Variants in PTPRG observed in about 807,000 individuals in gnomAD.
The protein encoded by PTPRG is receptor-type tyrosine-protein phosphatase gamma.
PTPRG carries 102 observed loss-of-function variants against 165.3 expected under a neutral mutation model. The observed-to-expected ratio is 0.62, with a 90% CI of 0.53 to 0.73. The LOEUF (loss-of-function observed/expected upper bound fraction) is 0.73. Ranked by LOEUF, PTPRG falls within the 30% of genes least tolerant of loss-of-function variation. The pLI is 0.00. For synonymous variants in PTPRG, 675 were observed against 669.5 expected (o/e 1.01, Z -0.13); for missense variants, 1,866 against 1,861.4 (o/e 1.00, Z -0.05).
intron 4 of PTPRG, among the ~76,000 whole-genome samples, chr3:62,040,419 G>A (rs897297840): frequency 1.3e-5 from 2 of 152,122 alleles, no homozygotes; most frequent in Non-Finnish European, 2.9e-5. Flanking sequence ...AGAAAATTTC[G>A]ACTGTCTTCA....
At chr3:62,071,079 G>A (rs959758594) in intron 4 of PTPRG, among the ~76,000 whole-genome samples, 2 of 151,906 alleles carry the variant, frequency 1.3e-5, no homozygotes, top group African/African-American at 4.8e-5. Flanking sequence ...ATCTCCATCT[G>A]TTCTTTTCTG....
At chr3:61,854,639 C>T (rs984296735) in intron 2 of PTPRG, among the ~76,000 whole-genome samples, 2 of 152,126 alleles carry the variant, frequency 1.3e-5, no homozygotes, top group Non-Finnish European at 1.5e-5. Context: ...GCTTATCAAG[C>T]ACTGTGCTAG....
chr3:61,669,622 A>AT (rs1702912907), intron 1 of PTPRG, among the ~76,000 whole-genome samples: 1 of 152,026 alleles, frequency 6.6e-6, no homozygotes, highest in Admixed American at 6.6e-5. Context: ...GGATGTTTTG[A>AT]TTTTTTCTTC....
At chr3:61,636,283 T>G (rs1393427139) in intron 1 of PTPRG, among the ~76,000 whole-genome samples, 1 of 152,198 alleles carries the variant, frequency 6.6e-6, no homozygotes, top group African/African-American at 2.4e-5. Context: ...TTTAGAACAT[T>G]TTTATTATAC....
Position 62,240,138 on chromosome 3 carries a change from T to C in PTPRG, c.2376-3669T>C, listed in dbSNP as rs1701124568. ...TTAATAAAGAGGATGCCAGTCTATATTTGTTATCAAGGAGAGATGCATATA... is the reference window on the plus strand; with the variant it reads ...TTAATAAAGAGGATGCCAGTCTATACTTGTTATCAAGGAGAGATGCATATA... On this transcript the variant is annotated intron_variant, in intron 14 of 29. Coordinates refer to ENST00000474889, the MANE Select transcript of PTPRG (RefSeq NM_002841.4). This position sits in a 1 kb window ranked among gnomAD's most constrained non-coding sequence, Gnocchi z 5.1. 6.6e-6 allele frequency among the ~76,000 whole-genome samples: 1 copy of C among 152,202 alleles called. No homozygotes were observed. The highest frequency in any genetic ancestry group is 6.5e-5 in the Admixed American group (1 of 15,282).
chr3:61,637,936 G>C (rs1459643144), intron 1 of PTPRG, among the ~76,000 whole-genome samples: 5 of 144,456 alleles, frequency 3.5e-5, no homozygotes, highest in Non-Finnish European at 7.7e-5. Context: ...ACTGGATCTC[G>C]TTAAGAGAAC....
At chr3:61,915,343 G>A (rs1575780470) in intron 2 of PTPRG, among the ~76,000 whole-genome samples, 1 of 152,318 alleles carries the variant, frequency 6.6e-6, no homozygotes, top group African/African-American at 2.4e-5. Context: ...TGGAAGCAGG[G>A]CAGTGTTTCT....
chr3:61,861,967 A>C (rs2037283185), intron 2 of PTPRG, among the ~76,000 whole-genome samples: 1 of 152,114 alleles, frequency 6.6e-6, no homozygotes, highest in Non-Finnish European at 1.5e-5. Context: ...AAAATGGTAA[A>C]CATTTGTGTG....
intron 2 of PTPRG, among the ~76,000 whole-genome samples, chr3:61,885,653 CCTTCTCTCCTCTCCTCTCCTCTCCT>C (rs2038008236): frequency 2.6e-5 from 3 of 115,870 alleles, no homozygotes; most frequent in Non-Finnish European, 3.5e-5. Flanking sequence ...TCACTCTTTT[CCTTCTCTCCTCTCCTCTCCTCTCCT>C]CTCCTCTCCT....
At chr3:61,808,807 A>C (rs1202612693) in intron 2 of PTPRG, among the ~76,000 whole-genome samples, 1 of 152,032 alleles carries the variant, frequency 6.6e-6, no homozygotes, top group Non-Finnish European at 1.5e-5. Flanking sequence ...CAAATCTGGC[A>C]GTAAAAAAGG....
chr3:61,829,666 A>G (rs1169979494), intron 2 of PTPRG, among the ~76,000 whole-genome samples: 2 of 152,208 alleles, frequency 1.3e-5, no homozygotes, highest in Non-Finnish European at 2.9e-5. Flanking sequence ...GGAAAAGTAT[A>G]TTTCCAACAG....
intron 2 of PTPRG, among the ~76,000 whole-genome samples, chr3:61,847,976 T>G (rs2036852918): frequency 6.6e-6 from 1 of 152,250 alleles, no homozygotes; most frequent in African/African-American, 2.4e-5. Flanking sequence ...TCCTCAGACT[T>G]TATGAAAGTA....
In PTPRG at chr3:62,222,794, A is replaced by G. The variant is rs1700678912; in HGVS notation, c.2288+3811A>G. On this transcript the variant is annotated intron_variant, in intron 13 of 29. Transcript: ENST00000474889. The surrounding 1 kb of genome is among the most constrained non-coding windows in gnomAD (Gnocchi z 4.5). Reference sequence around the variant, plus strand: ...CCTATTATTTATGCAATGCTTACAGAGTTCCTGCCATGCATCCTGGTGGGC... The same window carrying G: ...CCTATTATTTATGCAATGCTTACAGGGTTCCTGCCATGCATCCTGGTGGGC... Among the ~76,000 whole-genome samples the G allele has an allele frequency of 6.6e-6, 1 of 152,184 alleles. No individual in the cohort carries two copies.
At chr3:62,028,576 C>T (rs1699651723) in intron 4 of PTPRG, among the ~76,000 whole-genome samples, 2 of 152,146 alleles carry the variant, frequency 1.3e-5, no homozygotes, top group Admixed American at 1.3e-4. Flanking sequence ...TGTTATGTTG[C>T]ATGTTGGCCA....
chr3:62,190,147 G>A lies in PTPRG; in HGVS notation c.1034-1322G>A, dbSNP rs933649763. 3.3e-5 allele frequency among the ~76,000 whole-genome samples: 5 copies of A among 152,156 alleles called. No homozygotes were observed. Among genetic ancestry groups the A allele is most frequent in the South Asian group, 2.1e-4 (1 of 4,828 alleles). ...TCTCTTAGAGTGGAGGTTCTCAGCC[G>A]AAGGTGATTGGCCCCTGCAAGCAAC... On this transcript the variant is annotated intron_variant, in intron 8 of 29. Coordinates refer to ENST00000474889, the MANE Select transcript of PTPRG (RefSeq NM_002841.4). This position sits in a 1 kb window ranked among gnomAD's most constrained non-coding sequence, Gnocchi z 5.2.
rs192382768 is a variant in PTPRG, at chr3:61,894,622, G to A, written c.191-95003G>A. On this transcript the variant is annotated intron_variant, in intron 2 of 29. Transcript: ENST00000474889. ...TAATAGAGACTTACTAAAGGTAATC[G>A]CCTAACTTAATGTCACCCAGATATT... Among the ~76,000 whole-genome samples the A allele has an allele frequency of 8.3e-4, 126 of 152,102 alleles. 2 individuals carry two copies. Among genetic ancestry groups the A allele is most frequent in the Admixed American group, 9.8e-4 (15 of 15,278 alleles).
At chr3:61,879,926 A>G (rs1266069554) in intron 2 of PTPRG, among the ~76,000 whole-genome samples, 2 of 152,200 alleles carry the variant, frequency 1.3e-5, no homozygotes, top group Non-Finnish European at 2.9e-5. Flanking sequence ...TACAACTGAG[A>G]ATGTCAAAAA....
At position 62,271,691 on chromosome 3, in the gene PTPRG, T is replaced by C. The variant is rs1702072555; in HGVS notation, c.3182+136T>C. 2.8e-6 allele frequency: 2 copies of C among 707,580 alleles called. No homozygotes were observed. Among genetic ancestry groups the C allele is most frequent in the Non-Finnish European group, 4.4e-6 (2 of 455,314 alleles). 43.8% of individuals were successfully genotyped at this position (707,580 alleles called of 1,614,324 possible). ...TGGAAACTGGGATGGATAAGACCTA[T>C]GATAGTCTTAAAGAGGCTCTATTCC... On this transcript the variant is annotated intron_variant, in intron 21 of 29. Coordinates refer to ENST00000474889, the MANE Select transcript of PTPRG (RefSeq NM_002841.4). The surrounding 1 kb of genome is among the most constrained non-coding windows in gnomAD (Gnocchi z 4.1).
At chr3:61,566,450 C>G (rs1296369276) in intron 1 of PTPRG, among the ~76,000 whole-genome samples, 2 of 152,192 alleles carry the variant, frequency 1.3e-5, no homozygotes, top group Non-Finnish European at 2.9e-5. Flanking sequence ...CTTAAAATGC[C>G]CTAGAGTAGT....
Sources: gnomAD v4.1 joint callset for allele counts (sites outside exome capture counted in the v4.1 genomes callset) on GRCh38, gnomAD v4.1.1 for gene constraint, Gnocchi (gnomAD v3.1) non-coding constraint, MANE v1.5 for transcripts, NCBI Gene and HGNC (gene_info 2026-07-23, HGNC 2026-07-21) for gene names.